The following BBS9 variants were observed in gnomAD, a reference collection of about 807,000 sequenced individuals.
BBS9 encodes protein PTHB1.
BBS9 carries 89 observed loss-of-function variants against 117.7 expected under a neutral mutation model. The observed-to-expected ratio is 0.76, with a 90% CI of 0.64 to 0.90. The LOEUF (loss-of-function observed/expected upper bound fraction) is 0.90. Ranked by LOEUF, BBS9 falls within the 40% of genes least tolerant of loss-of-function variation. BBS9 has a pLI of 0.00. For synonymous variants in BBS9, 379 were observed against 370.9 expected (o/e 1.02, Z -0.25); for missense variants, 982 against 1,042.2 (o/e 0.94, Z 0.80).
chr7:33,209,176 A>G (rs1787543346), intron 5 of BBS9, among the ~76,000 whole-genome samples: 1 of 152,182 alleles, frequency 6.6e-6, no homozygotes, highest in Non-Finnish European at 1.5e-5. Context: ...GCCTCCACAA[A>G]TAAGTGAGAA....
At chr7:33,148,027 G>A (rs1209485178) in intron 2 of BBS9, among the ~76,000 whole-genome samples, 1 of 152,200 alleles carries the variant, frequency 6.6e-6, no homozygotes, top group Non-Finnish European at 1.5e-5. Flanking sequence ...TCCAGGGGTA[G>A]GTGGGGTGAT....
chr7:33,212,565 T>A (rs182392383), intron 5 of BBS9, among the ~76,000 whole-genome samples: 3 of 152,146 alleles, frequency 2.0e-5, no homozygotes, highest in Admixed American at 1.3e-4. Flanking sequence ...CTTATTTAGT[T>A]TGTTTGGTGA....
At chr7:33,554,867 G>A (rs1389144749) in intron 21 of BBS9, among the ~76,000 whole-genome samples, 3 of 152,114 alleles carry the variant, frequency 2.0e-5, no homozygotes, top group Admixed American at 2.0e-4. Flanking sequence ...AAGGGCAAGA[G>A]CCAACATCGG....
At chr7:33,171,299 G>A (rs918124933) in intron 4 of BBS9, among the ~76,000 whole-genome samples, 10 of 151,644 alleles carry the variant, frequency 6.6e-5, no homozygotes, top group African/African-American at 1.2e-4. Flanking sequence ...AAATAACGCC[G>A]CATATCTACA....
chr7:33,617,383 A>G (rs1184241953), intron 21 of BBS9, among the ~76,000 whole-genome samples: 1 of 152,132 alleles, frequency 6.6e-6, no homozygotes, highest in Admixed American at 6.6e-5. Flanking sequence ...AGGGATAAAG[A>G]GGGGCCAAAC....
chr7:33,620,413 G>A (rs76196314), intron 21 of BBS9, among the ~76,000 whole-genome samples: 6 of 151,830 alleles, frequency 4.0e-5, no homozygotes, highest in South Asian at 2.1e-4. Flanking sequence ...GTAAAGTTGC[G>A]GGACGAAAAT....
At chr7:33,170,015 C>T (rs1305342779) in intron 4 of BBS9, among the ~76,000 whole-genome samples, 1 of 152,084 alleles carries the variant, frequency 6.6e-6, no homozygotes, top group Non-Finnish European at 1.5e-5. Context: ...CCGAATTCTA[C>T]CAGAGGTACA....
chr7:33,613,827 A>G (rs182241511), intron 21 of BBS9, among the ~76,000 whole-genome samples: 2 of 152,156 alleles, frequency 1.3e-5, no homozygotes, highest in African/African-American at 4.8e-5. Flanking sequence ...TCATTATATT[A>G]CAGAGAAAGA....
At chr7:33,148,293 G>A (rs1446686360) in intron 2 of BBS9, among the ~76,000 whole-genome samples, 1 of 152,024 alleles carries the variant, frequency 6.6e-6, no homozygotes, top group East Asian at 1.9e-4. Flanking sequence ...GAGGGGAGGA[G>A]GTATAGGACT....
At chr7:33,215,176 G>C (rs1281505022) in intron 5 of BBS9, among the ~76,000 whole-genome samples, 1 of 152,150 alleles carries the variant, frequency 6.6e-6, no homozygotes, top group Non-Finnish European at 1.5e-5. Flanking sequence ...CTGGGCAACA[G>C]AGCGAGACTC....
At chr7:33,441,683 T>A (rs1836215424) in intron 19 of BBS9, among the ~76,000 whole-genome samples, 1 of 152,202 alleles carries the variant, frequency 6.6e-6, no homozygotes, top group Non-Finnish European at 1.5e-5. Context: ...TGTTAACCCA[T>A]TTAATTGCAA....
intron 9 of BBS9, among the ~76,000 whole-genome samples, chr7:33,290,285 A>C (rs1241828046): frequency 6.6e-6 from 1 of 152,214 alleles, no homozygotes; most frequent in Admixed American, 6.5e-5. Context: ...TGAATGCAGC[A>C]TGGGGCTGGT....
At chr7:33,469,088 G>A (rs935285198) in intron 19 of BBS9, among the ~76,000 whole-genome samples, 5 of 152,028 alleles carry the variant, frequency 3.3e-5, no homozygotes, top group Non-Finnish European at 4.4e-5. Context: ...CAGTAGAGTA[G>A]ATTGACTGTG....
chr7:33,412,457 G>A (rs1200716015), intron 19 of BBS9, among the ~76,000 whole-genome samples: 1 of 152,208 alleles, frequency 6.6e-6, no homozygotes, highest in Non-Finnish European at 1.5e-5. Flanking sequence ...GTTTCTGCCA[G>A]TAATTTCCCT....
At chr7:33,578,726 G>A (rs1168290307) in intron 21 of BBS9, among the ~76,000 whole-genome samples, 1 of 152,148 alleles carries the variant, frequency 6.6e-6, no homozygotes, top group South Asian at 2.1e-4. Context: ...ATTGCCTTTT[G>A]GGAAGGACTC....
intron 5 of BBS9, among the ~76,000 whole-genome samples, chr7:33,209,961 C>A (rs578047152): frequency 1.3e-5 from 2 of 151,982 alleles, no homozygotes. Flanking sequence ...TTGCTTTTCT[C>A]GCACTTTAAG....
chr7:33,326,514 G>A (rs917638690), intron 9 of BBS9, among the ~76,000 whole-genome samples: 1 of 152,086 alleles, frequency 6.6e-6, no homozygotes, highest in African/African-American at 2.4e-5. Context: ...GTAAGACAAA[G>A]TCCCCTTTAC....
intron 5 of BBS9, among the ~76,000 whole-genome samples, chr7:33,198,307 T>G (rs550334391): frequency 6.6e-6 from 1 of 152,118 alleles, no homozygotes; most frequent in East Asian, 1.9e-4. Context: ...TTCATATGGC[T>G]TTTTTCAGCT....
intron 4 of BBS9, among the ~76,000 whole-genome samples, chr7:33,175,186 C>T (rs1021560238): frequency 6.6e-6 from 1 of 151,956 alleles, no homozygotes; most frequent in African/African-American, 2.4e-5. Flanking sequence ...TGCCTGTAAT[C>T]CCAGCTACTC....
Sources: gnomAD v4.1 joint callset for allele counts (sites outside exome capture counted in the v4.1 genomes callset) on GRCh38, gnomAD v4.1.1 for gene constraint, MANE v1.5 for transcripts, NCBI Gene and HGNC (gene_info 2026-07-23, HGNC 2026-07-21) for gene names.